Variants in PKD1L1 observed in about 807,000 individuals in gnomAD.
PKD1L1 encodes the protein polycystin-1-like protein 1.
PKD1L1 carries 236 observed loss-of-function variants against 323.4 expected under a neutral mutation model. The ratio of observed to expected loss-of-function variants is 0.73; its 90% CI spans 0.66 to 0.81. The LOEUF is 0.81. Ranked by LOEUF, PKD1L1 falls within the 40% of genes least tolerant of loss-of-function variation. The pLI, the probability that PKD1L1 is intolerant of heterozygous loss-of-function variation, is 0.00. For missense variants in PKD1L1, 3,320 were observed against 3,508.0 expected (o/e 0.95, Z 1.35); for synonymous variants, 1,344 against 1,335.0 (o/e 1.01, Z -0.15).
chr7:47,960,716 A>G, the PKD1L1 span, among the ~76,000 whole-genome samples: 52 of 152,014 alleles, frequency 3.4e-4, no homozygotes, highest in African/African-American at 1.2e-3. Context: ...ACATGGTCAA[A>G]AGACCTGAAT....
chr7:47,813,520 TGGTTC>T (rs1225855984), intron 48 of PKD1L1: 67 of 699,346 alleles, frequency 9.6e-5, no homozygotes, highest in Admixed American at 6.7e-4. Flanking sequence ...GAGCTGTGTA[TGGTTC>T]TAAGGCTTAG....
intron 37 of PKD1L1, 147 bp downstream of exon 37, chr7:47,836,774 C>T: frequency 9.7e-7 from 1 of 1,027,410 alleles, no homozygotes; most frequent in Non-Finnish European, 1.4e-6. Context: ...CCTCCTGTTC[C>T]TTCTCTGGTC....
chr7:47,957,862 A>AATATATATATATATATATATATAT, the PKD1L1 span, among the ~76,000 whole-genome samples: 22 of 134,688 alleles, frequency 1.6e-4, no homozygotes, highest in Non-Finnish European at 3.2e-4. Context: ...ATTAAAAAAA[A>AATATATATATATATATATATATAT]ATATATATAT....
At chr7:47,900,798 A>G (rs2128750378) in intron 13 of PKD1L1, among the ~76,000 whole-genome samples, 1 of 152,342 alleles carries the variant, frequency 6.6e-6, no homozygotes, top group South Asian at 2.1e-4. Context: ...GACATTATAT[A>G]GTGATGTATA....
At chr7:47,775,290 A>T in intron 56 of PKD1L1, 124 bp from the exon 57 acceptor site, 1 of 1,024,166 alleles carries the variant, frequency 9.8e-7, no homozygotes, top group South Asian at 1.6e-5. Flanking sequence ...TAACTTGACC[A>T]AGGTGACATT....
intron 3 of PKD1L1, among the ~76,000 whole-genome samples, chr7:47,939,617 T>C (rs1436188460): frequency 6.6e-6 from 1 of 152,216 alleles, no homozygotes; most frequent in Non-Finnish European, 1.5e-5. Flanking sequence ...GATAAACAGA[T>C]GCAAGGGAAT....
At position 47,834,494 on chromosome 7, in the gene PKD1L1, TC is replaced by T. The variant is rs140149933; in HGVS notation, c.6128-110del. ...CACTACTTTCTTCAGCAAATACTCTTCCTTCCTGACTCAGCCAGAATGAGTA... is the reference window on the plus strand; with the variant it reads ...CACTACTTTCTTCAGCAAATACTCTTCTTCCTGACTCAGCCAGAATGAGTA... On this transcript the variant is annotated intron_variant, in intron 39 of 56. Transcript: ENST00000289672. The T allele has an allele frequency of 3.9e-3, 3,509 of 888,702 alleles. 96 individuals carry two copies. In the African/African-American group the frequency reaches 0.052, roughly 13 times the overall value. 55.1% of individuals were successfully genotyped at this position (888,702 alleles called of 1,614,324 possible). A position where few individuals can be genotyped will look rare whatever the true frequency, so the allele number is the denominator to read the frequency against.
At chr7:47,902,775 AATACATCT>A (rs1428299421) in intron 12 of PKD1L1, among the ~76,000 whole-genome samples, 3 of 152,220 alleles carry the variant, frequency 2.0e-5, no homozygotes, top group African/African-American at 7.2e-5. Flanking sequence ...ATATTCAAAC[AATACATCT>A]ATGTGAGGGG....
chr7:47,953,353 C>T (rs532612342), upstream of PKD1L1, among the ~76,000 whole-genome samples: 26 of 151,762 alleles, frequency 1.7e-4, no homozygotes, highest in African/African-American at 6.0e-4. Flanking sequence ...GGTGTCCTTT[C>T]GTCTGGAGTG....
rs752258718 is a variant in PKD1L1, at chr7:47,809,629, T to G, written c.7582-52A>C. The G allele has an allele frequency of 1.4e-5, 20 of 1,387,036 alleles. No homozygotes were observed. In the South Asian group the frequency reaches 1.7e-4, roughly 12 times the overall value. 85.9% of individuals were successfully genotyped at this position (1,387,036 alleles called of 1,614,324 possible). Reference sequence around the variant, plus strand: ...GATCAATAGGAATGCTGATAAATTGTTTTTTGAAGGTCTAAACATGTGACC... The same window carrying G: ...GATCAATAGGAATGCTGATAAATTGGTTTTTGAAGGTCTAAACATGTGACC... On this transcript the variant is annotated intron_variant, in intron 50 of 56. Transcript: ENST00000289672.
At chr7:47,929,175 G>A (rs775462586) in intron 7 of PKD1L1, 29 bp downstream of exon 7, 1 of 1,591,778 alleles carries the variant, frequency 6.3e-7, no homozygotes, top group East Asian at 2.2e-5. Flanking sequence ...TCCTTCCCAG[G>A]CTCCTGATAA....
Position 47,800,901 on chromosome 7 carries a change from A to G in PKD1L1, c.7963-22T>C, listed in dbSNP as rs544523599. 3.6e-4 allele frequency: 578 copies of G among 1,600,170 alleles called. 8 individuals carry two copies. The South Asian group carries it at 6.0e-3, about 17-fold the overall frequency. ...CCAGCTGCAGAAAGAAAATCCAGAG[A>G]GCACTGACCTTGTCACCTCTTCTTA... On this transcript the variant is annotated intron_variant, in intron 53 of 56. Coordinates refer to ENST00000289672, the MANE Select transcript of PKD1L1 (RefSeq NM_138295.5).
chr7:47,943,383 C>T lies in PKD1L1; in HGVS notation c.160+13G>A. ...TTATCATGGTGGCCATGCCTCCTTC[C>T]CCAAGGCCTTACCGACCCACAATCC... On this transcript the variant is annotated intron_variant, in intron 2 of 56. Transcript: ENST00000289672. The T allele has an allele frequency of 6.2e-7, 1 of 1,605,426 alleles. No individual in the cohort carries two copies. Among genetic ancestry groups the T allele is most frequent in the Non-Finnish European group, 8.5e-7 (1 of 1,172,960 alleles).
intron 4 of PKD1L1, among the ~76,000 whole-genome samples, 160 bp from the exon 5 acceptor site, chr7:47,932,216 C>T (rs989172813): frequency 6.6e-6 from 1 of 152,284 alleles, no homozygotes; most frequent in South Asian, 2.1e-4. Flanking sequence ...CCAGGCTGAC[C>T]ATGGGGATAT....
upstream of PKD1L1, among the ~76,000 whole-genome samples, chr7:47,951,591 TCA>T (rs1381670664): frequency 6.6e-6 from 1 of 152,190 alleles, no homozygotes; most frequent in African/African-American, 2.4e-5. Context: ...TTTACACAGT[TCA>T]CAGTGTAAAA....
At chr7:47,786,823 G>A (rs920762908) in intron 56 of PKD1L1, among the ~76,000 whole-genome samples, 2 of 152,178 alleles carry the variant, frequency 1.3e-5, no homozygotes, top group Non-Finnish European at 2.9e-5. Flanking sequence ...AGCAGCCCCC[G>A]GCTGGGAGGT....
intron 17 of PKD1L1, among the ~76,000 whole-genome samples, chr7:47,887,569 T>TGG (rs1005999012): frequency 3.9e-5 from 6 of 152,230 alleles, no homozygotes; most frequent in Admixed American, 3.9e-4. Context: ...GCTGGTAGTG[T>TGG]GGGAGCAAGG....
chr7:47,897,793 A>C (rs1057139111), intron 14 of PKD1L1, among the ~76,000 whole-genome samples, 195 bp downstream of exon 14: 6 of 152,202 alleles, frequency 3.9e-5, no homozygotes, highest in Admixed American at 6.5e-5. Context: ...CTTTGACTGC[A>C]TTTGAACATA....
At chr7:47,905,750 T>C in intron 10 of PKD1L1, 93 bp downstream of exon 10, 2 of 1,535,406 alleles carry the variant, frequency 1.3e-6, no homozygotes, top group Non-Finnish European at 1.8e-6. Context: ...GCAGAGCCGA[T>C]AACAAAACCT....
Sources: gnomAD v4.1 joint callset for allele counts (sites outside exome capture counted in the v4.1 genomes callset) on GRCh38, gnomAD v4.1.1 for gene constraint, MANE v1.5 for transcripts, NCBI Gene and HGNC (gene_info 2026-07-23, HGNC 2026-07-21) for gene names.